RALB: variants seen among roughly 807,000 people sequenced by gnomAD.
RALB encodes ras-related protein Ral-B.
In RALB, 16 loss-of-function variants were observed where a neutral mutation model predicts 21.3. The observed-to-expected ratio is 0.75, with a 90% CI of 0.51 to 1.14. The LOEUF (loss-of-function observed/expected upper bound fraction) is 1.14. Among genes scored for constraint, RALB ranks in the 50% most tolerant of loss-of-function variants. RALB has a pLI of 0.00. For synonymous variants in RALB, 93 were observed against 96.1 expected (o/e 0.97, Z 0.19); for missense variants, 161 against 256.2 (o/e 0.63, Z 2.54).
At chr2:120,253,123 C>A in intron 1 of RALB, 143 bp downstream of exon 1, 2 of 529,242 alleles carry the variant, frequency 3.8e-6, no homozygotes, top group Non-Finnish European at 2.4e-6. Context: ...CCGAGGCCGG[C>A]GGAGGGCGAC....
intron 2 of RALB, among the ~76,000 whole-genome samples, chr2:120,280,254 T>C (rs1209363487): frequency 1.3e-5 from 2 of 152,162 alleles, no homozygotes; most frequent in African/African-American, 4.8e-5. Flanking sequence ...CACATGCACA[T>C]GTATGTTTAT....
At chr2:120,255,454 G>A (rs184002748) in intron 1 of RALB, among the ~76,000 whole-genome samples, 1 of 152,294 alleles carries the variant, frequency 6.6e-6, no homozygotes, top group Non-Finnish European at 1.5e-5. Flanking sequence ...AGTTAAATAT[G>A]TGGCCTTGGA....
Position 120,294,129 on chromosome 2 carries a change from C to T in RALB, c.*869C>T. 1 of 398,624 alleles carries T rather than the reference C, an allele frequency of 2.5e-6. No individual in the cohort carries two copies. The highest frequency in any genetic ancestry group is 3.6e-5 in the East Asian group (1 of 28,082). The allele number at this position is 398,624 out of a possible 1,614,324, so 24.7% of individuals were successfully genotyped here. A position where few individuals can be genotyped will look rare whatever the true frequency, so the allele number is the denominator to read the frequency against. On this transcript the variant is annotated 3_prime_UTR_variant, in exon 5 of 5. Transcript: ENST00000272519. ...CTCCACTAGTGGTGAATGCATGTGT[C>T]TGTCTGATCAGCATCACTGCACACG...
intron 1 of RALB, among the ~76,000 whole-genome samples, chr2:120,257,751 A>G (rs1337630448): frequency 1.3e-5 from 2 of 152,162 alleles, no homozygotes; most frequent in Non-Finnish European, 2.9e-5. Context: ...TTTATGAGCT[A>G]GTATCTTTCT....
At chr2:120,249,061 G>A (rs570409304), upstream of RALB, among the ~76,000 whole-genome samples, 97 of 142,924 alleles carry the variant, frequency 6.8e-4, no homozygotes, top group Non-Finnish European at 1.8e-4. Context: ...TTAAGACGGA[G>A]TCTTGCTCTG....
At chr2:120,269,337 C>T (rs1466259886) in intron 1 of RALB, among the ~76,000 whole-genome samples, 3 of 152,162 alleles carry the variant, frequency 2.0e-5, no homozygotes, top group Non-Finnish European at 4.4e-5. Flanking sequence ...GTGGCACAGG[C>T]TGAAAGAGTG....
At chr2:120,280,556 G>C (rs1321371601) in intron 2 of RALB, among the ~76,000 whole-genome samples, 1 of 150,692 alleles carries the variant, frequency 6.6e-6, no homozygotes, top group East Asian at 1.9e-4. Flanking sequence ...TTTGGGGGGC[G>C]GGGGGCAAGG....
intron 1 of RALB, among the ~76,000 whole-genome samples, chr2:120,254,187 G>T (rs1295707143): frequency 2.0e-5 from 3 of 152,188 alleles, no homozygotes; most frequent in Non-Finnish European, 2.9e-5. Context: ...TTGTGATGTG[G>T]AGCACGATCT....
chr2:120,276,835 A>G (rs560414570), intron 1 of RALB, among the ~76,000 whole-genome samples: 12 of 152,300 alleles, frequency 7.9e-5, no homozygotes, highest in African/African-American at 2.6e-4. Flanking sequence ...TTTTATGCAC[A>G]TAAGAAAACT....
At chr2:120,284,727 T>A (rs1290850513) in intron 2 of RALB, among the ~76,000 whole-genome samples, 3 of 139,726 alleles carry the variant, frequency 2.1e-5, no homozygotes, top group African/African-American at 8.2e-5. Flanking sequence ...TATCTAATTT[T>A]AGATCACTTT....
chr2:120,243,483 G>A (rs1428952776), intron 1 of RALB, among the ~76,000 whole-genome samples: 1 of 152,216 alleles, frequency 6.6e-6, no homozygotes. Context: ...TCCTCCTGGT[G>A]CAGGAGAGCT....
At chr2:120,245,725 C>A (rs1266529364) in intron 1 of RALB, among the ~76,000 whole-genome samples, 2 of 152,034 alleles carry the variant, frequency 1.3e-5, no homozygotes, top group Non-Finnish European at 2.9e-5. Flanking sequence ...TCCCCCGGGG[C>A]AGGGTGTGGA....
chr2:120,262,244 C>T (rs1689383296), intron 1 of RALB, among the ~76,000 whole-genome samples: 1 of 152,124 alleles, frequency 6.6e-6, no homozygotes, highest in South Asian at 2.1e-4. Context: ...AACAGAGGTA[C>T]TGAAGTGCAG....
intron 1 of RALB, among the ~76,000 whole-genome samples, chr2:120,241,722 A>G (rs577913468): frequency 6.7e-6 from 1 of 148,802 alleles, no homozygotes; most frequent in East Asian, 1.9e-4. Flanking sequence ...GCGAAACTCC[A>G]TCTCAAAAAA....
At chr2:120,253,172 C>T (rs1380408274) in intron 1 of RALB, 192 bp downstream of exon 1, 6 of 350,196 alleles carry the variant, frequency 1.7e-5, no homozygotes, top group South Asian at 1.1e-4. Context: ...GGAGGACTCC[C>T]TGGGGGAGTC....
chr2:120,289,238 C>CTTT (rs1188115492), intron 3 of RALB, among the ~76,000 whole-genome samples: 5 of 101,168 alleles, frequency 4.9e-5, no homozygotes, highest in African/African-American at 1.6e-4. Flanking sequence ...CATTTTTCTT[C>CTTT]TTTTTGTTTT....
intron 3 of RALB, 74 bp downstream of exon 3, chr2:120,286,156 G>T (rs1040772913): frequency 2.3e-6 from 3 of 1,308,040 alleles, no homozygotes; most frequent in East Asian, 2.3e-5. Flanking sequence ...GGCCTATGAA[G>T]AATTTGGGGC....
chr2:120,277,928 CGT>C lies in RALB; in HGVS notation c.-47-684_-47-683del, dbSNP rs1267426701. Among the ~76,000 whole-genome samples, 8 of 91,726 alleles carry C rather than the reference CGT, an allele frequency of 8.7e-5. No individual in the cohort carries two copies. The South Asian group carries it at 2.1e-3, about 24-fold the overall frequency. The allele number at this position is 91,726 out of a possible 152,430, so 60.2% of individuals were successfully genotyped here. ...GTGTGTGAATGTGAGTTAATGTGAG[CGT>C]GTGTGAGCGAGTGTGAATGTGTGAA... On this transcript the variant is annotated intron_variant, in intron 1 of 4. Transcript: ENST00000272519.
chr2:120,271,221 A>G (rs977005349), intron 1 of RALB, among the ~76,000 whole-genome samples: 2 of 152,172 alleles, frequency 1.3e-5, no homozygotes, highest in African/African-American at 2.4e-5. Flanking sequence ...TCCTCCTAAC[A>G]TGTATGGTTT....
Sources: gnomAD v4.1 joint callset for allele counts (sites outside exome capture counted in the v4.1 genomes callset) on GRCh38, gnomAD v4.1.1 for gene constraint, MANE v1.5 for transcripts, NCBI Gene and HGNC (gene_info 2026-07-23, HGNC 2026-07-21) for gene names.